TTC7A: variants seen among roughly 807,000 people sequenced by gnomAD.
The protein encoded by TTC7A is tetratricopeptide repeat protein 7A.
Under a neutral mutation model 103.7 loss-of-function variants are expected in TTC7A, and 110 were observed. The ratio of observed to expected loss-of-function variants is 1.06; its 90% CI spans 0.91 to 1.24. The LOEUF is 1.24. Ranked by LOEUF, TTC7A falls within the 50% of genes most tolerant of loss-of-function variation. The probability of loss-of-function intolerance (pLI) is 0.00; values close to 1 mark genes in which losing one functional copy is unlikely to be tolerated. For missense variants in TTC7A, 1,340 were observed against 1,116.3 expected (o/e 1.20, Z -2.86); for synonymous variants, 521 against 467.9 (o/e 1.11, Z -1.47).
At chr2:46,929,546 TATC>T (rs1314215256) in intron 2 of TTC7A, among the ~76,000 whole-genome samples, 2 of 152,146 alleles carry the variant, frequency 1.3e-5, no homozygotes, top group Non-Finnish European at 2.9e-5. Flanking sequence ...TCAAATAAGA[TATC>T]ATAAAGGAAA....
chr2:46,967,464 A>C (rs1352131880), intron 3 of TTC7A, among the ~76,000 whole-genome samples: 2 of 152,004 alleles, frequency 1.3e-5, no homozygotes, highest in Admixed American at 6.5e-5. Flanking sequence ...TGTTTTTATG[A>C]ATTTGATTAC....
chr2:46,944,487 C>T (rs1670760767), intron 1 of TTC7A, among the ~76,000 whole-genome samples: 1 of 149,364 alleles, frequency 6.7e-6, no homozygotes, highest in Non-Finnish European at 1.5e-5. Flanking sequence ...TCAAGGGAAC[C>T]TTCCACCTCA....
intron 1 of TTC7A, among the ~76,000 whole-genome samples, chr2:46,942,205 A>G (rs1210981650): frequency 6.6e-6 from 1 of 152,206 alleles, no homozygotes; most frequent in Non-Finnish European, 1.5e-5. Flanking sequence ...GAAATGGGGA[A>G]GAGGCTTGGC....
chr2:47,058,210 G>C (rs925979609), intron 18 of TTC7A, among the ~76,000 whole-genome samples: 2 of 152,208 alleles, frequency 1.3e-5, no homozygotes, highest in Non-Finnish European at 2.9e-5. Flanking sequence ...CCAGGGACTA[G>C]AGCCCGCATT....
Position 47,006,723 on chromosome 2 carries a change from A to C in TTC7A, c.1286A>C (p.Lys429Thr), listed in dbSNP as rs750000834. The C allele has an allele frequency of 6.2e-7, 1 of 1,613,024 alleles. No homozygotes were observed. The highest frequency in any genetic ancestry group is 1.1e-5 in the South Asian group (1 of 91,064). The change falls in exon 10 of 20, where the codon AAG becomes ACG. Residue 429 changes from lysine (K) to threonine (T), a missense_variant and splice_region_variant. Lys to Thr is a moderately conservative substitution (Grantham distance 78, BLOSUM62 -1). Coordinates refer to ENST00000319190, the MANE Select transcript of TTC7A (RefSeq NM_020458.4). The part of the protein sequence containing the change: ...QVALSMVACG[K>T]SAYAVSLLRE... ...GCCCTCTCCATGGTGGCTTGTGGGA[A>C]GGTAAGGCCCAGGGGGCGCTAGGGG... is the stretch of plus-strand genomic sequence containing the variant.
In TTC7A at chr2:47,073,770, G is replaced by T; in HGVS notation, c.2424G>T (p.Arg808Ser). The change falls in exon 20 of 20, where the codon AGG becomes AGT. Residue 808 changes from arginine to serine, a missense_variant. Coordinates refer to ENST00000319190, the MANE Select transcript of TTC7A (RefSeq NM_020458.4). ...AQKVLRDAVE[R>S]QSTCHEAWQG... ...AGGTGCTTCGTGATGCCGTGGAGAG[G>T]CAGAGTACGTGCCACGAGGCGTGGC... is the stretch of plus-strand genomic sequence containing the variant. The T allele has an allele frequency of 6.2e-7, 1 of 1,613,866 alleles. No homozygotes were observed. Among genetic ancestry groups the T allele is most frequent in the South Asian group, 1.1e-5 (1 of 91,084 alleles).
At chr2:47,071,567 A>G (rs1012167517) in intron 19 of TTC7A, among the ~76,000 whole-genome samples, 8 of 152,258 alleles carry the variant, frequency 5.3e-5, no homozygotes, top group Non-Finnish European at 1.2e-4. Flanking sequence ...TTTGGTTTAC[A>G]GATGAGGAAA....
Position 46,988,709 on chromosome 2 carries a change from C to T in TTC7A, c.765-4741C>T, listed in dbSNP as rs547645462. 3.7e-4 allele frequency among the ~76,000 whole-genome samples: 56 copies of T among 152,294 alleles called. No individual in the cohort carries two copies. The South Asian group carries it at 0.011, about 29-fold the overall frequency. ...CAGCTGGCACTTTGTAAAGACTTAG[C>T]AAATTGAGTCCCAGGAGTTCTGGAG... On this transcript the variant is annotated intron_variant, in intron 5 of 19. Coordinates refer to ENST00000319190, the MANE Select transcript of TTC7A (RefSeq NM_020458.4).
At chr2:46,993,390 G>C in intron 5 of TTC7A, 60 bp from the exon 6 acceptor site, 1 of 1,538,864 alleles carries the variant, frequency 6.5e-7, no homozygotes, top group Non-Finnish European at 9.0e-7. Flanking sequence ...GGTGTGCTGA[G>C]AGCATCCTTC....
chr2:47,006,743 T>C lies in TTC7A; in HGVS notation c.1287+19T>C. ...TGGGAAGGTAAGGCCCAGGGGGCGCTAGGGGTTGCACACTCACCCGCAGGG... is the reference window on the plus strand; with the variant it reads ...TGGGAAGGTAAGGCCCAGGGGGCGCCAGGGGTTGCACACTCACCCGCAGGG... On this transcript the variant is annotated intron_variant, in intron 10 of 19. Coordinates refer to ENST00000319190, the MANE Select transcript of TTC7A (RefSeq NM_020458.4). 1 of 1,593,994 alleles carries C rather than the reference T, an allele frequency of 6.3e-7. No individual in the cohort carries two copies. The highest frequency in any genetic ancestry group is 8.6e-7 in the Non-Finnish European group (1 of 1,161,662).
At chr2:46,986,329 C>T (rs919244180) in intron 5 of TTC7A, among the ~76,000 whole-genome samples, 1 of 152,146 alleles carries the variant, frequency 6.6e-6, no homozygotes, top group African/African-American at 2.4e-5. Flanking sequence ...GTTTAGGTGA[C>T]GAAGCCCAGA....
At chr2:46,988,014 C>A (rs1472427322) in intron 5 of TTC7A, among the ~76,000 whole-genome samples, 2 of 152,180 alleles carry the variant, frequency 1.3e-5, no homozygotes, top group Non-Finnish European at 2.9e-5. Flanking sequence ...AGGAGTCAGA[C>A]TGTTCTCACA....
rs145610256 is a variant in TTC7A at position 47,059,570 on chromosome 2, G to A, written c.2153-1199G>A. ...TGGTTCTCCCTGGCTCTGAGCACAC[G>A]CCTACCTTCAGTCAGCCCCTGCCTG... is the stretch of plus-strand genomic sequence containing the variant. On this transcript the variant is annotated intron_variant, in intron 18 of 19. Transcript: ENST00000319190. Among the ~76,000 whole-genome samples the A allele has an allele frequency of 3.0e-3, 453 of 152,106 alleles. 1 individual carries two copies. Among genetic ancestry groups the A allele is most frequent in the African/African-American group, 0.011 (436 of 41,502 alleles).
At chr2:46,965,850 A>C (rs1672787933) in intron 3 of TTC7A, among the ~76,000 whole-genome samples, 1 of 152,154 alleles carries the variant, frequency 6.6e-6, no homozygotes, top group South Asian at 2.1e-4. Flanking sequence ...GGCGTGAGCC[A>C]CCATGCCCCG....
chr2:46,930,448 A>C (rs1572649020), intron 2 of TTC7A, among the ~76,000 whole-genome samples: 1 of 151,036 alleles, frequency 6.6e-6, no homozygotes, highest in Admixed American at 6.6e-5. Context: ...AAAAAAAAAA[A>C]ACTTACCAAA....
At chr2:47,049,916 C>T (rs775441189) in intron 16 of TTC7A, 33 bp from the exon 17 acceptor site, 5 of 1,568,380 alleles carry the variant, frequency 3.2e-6, no homozygotes, top group Non-Finnish European at 4.4e-6. Context: ...AGCCCTCTAC[C>T]TTACCGGACC....
chr2:46,956,811 C>T (rs920220498), intron 2 of TTC7A, 28 bp from the exon 3 acceptor site: 14 of 1,612,514 alleles, frequency 8.7e-6, no homozygotes, highest in African/African-American at 2.7e-5. Context: ...TTGGGGCAGG[C>T]GCTGGTAACA....
At chr2:47,012,869 T>C (rs1279919656) in intron 11 of TTC7A, among the ~76,000 whole-genome samples, 1 of 152,154 alleles carries the variant, frequency 6.6e-6, no homozygotes, top group East Asian at 1.9e-4. Context: ...CTGTGGCTGA[T>C]CAGGAGGAAG....
intron 1 of TTC7A, among the ~76,000 whole-genome samples, chr2:46,943,153 T>C (rs1670599394): frequency 6.6e-6 from 1 of 152,184 alleles, no homozygotes; most frequent in South Asian, 2.1e-4. Flanking sequence ...TCCGCCCACC[T>C]GGGCCTCCCA....
Sources: gnomAD v4.1 joint callset for allele counts (sites outside exome capture counted in the v4.1 genomes callset) on GRCh38, gnomAD v4.1.1 for gene constraint, MANE v1.5 for transcripts, NCBI Gene and HGNC (gene_info 2026-07-23, HGNC 2026-07-21) for gene names.